The following HHAT variants were observed in gnomAD, a reference collection of about 807,000 sequenced individuals.
HHAT encodes the protein protein-cysteine N-palmitoyltransferase HHAT.
Under a neutral mutation model 70.8 loss-of-function variants are expected in HHAT, and 47 were observed. The ratio of observed to expected loss-of-function variants is 0.66; its 90% CI spans 0.53 to 0.85. HHAT has a LOEUF of 0.85. Ranked by LOEUF, HHAT falls within the 40% of genes least tolerant of loss-of-function variation. The pLI, the probability that HHAT is intolerant of heterozygous loss-of-function variation, is 0.00. For missense variants in HHAT, 609 were observed against 604.8 expected, an observed-to-expected ratio of 1.01 and a Z score of -0.07; for synonymous variants, 228 against 247.6, an observed-to-expected ratio of 0.92 and a Z score of 0.74.
At chr1:210,521,919 C>G (rs2095164617) in intron 9 of HHAT, among the ~76,000 whole-genome samples, 1 of 152,186 alleles carries the variant, frequency 6.6e-6, no homozygotes, top group South Asian at 2.1e-4. Context: ...TTCAGTCTTG[C>G]AGTTTAGAAC....
At chr1:210,517,632 T>C (rs1048559846) in intron 9 of HHAT, among the ~76,000 whole-genome samples, 1 of 152,192 alleles carries the variant, frequency 6.6e-6, no homozygotes, top group East Asian at 1.9e-4. Flanking sequence ...TATTGTATCA[T>C]AGGGTGACAA....
At chr1:210,614,528 A>G (rs1464748214) in intron 10 of HHAT, among the ~76,000 whole-genome samples, 1 of 152,144 alleles carries the variant, frequency 6.6e-6, no homozygotes, top group African/African-American at 2.4e-5. Context: ...CATCATTTAC[A>G]TTAGGTATAT....
At chr1:210,525,678 G>A (rs1217920997) in intron 9 of HHAT, among the ~76,000 whole-genome samples, 1 of 152,156 alleles carries the variant, frequency 6.6e-6, no homozygotes, top group Non-Finnish European at 1.5e-5. Flanking sequence ...GAATTGAGAT[G>A]CATAATTTAG....
intron 9 of HHAT, among the ~76,000 whole-genome samples, chr1:210,566,250 A>G (rs1020392987): frequency 4.6e-5 from 7 of 152,198 alleles, no homozygotes; most frequent in African/African-American, 1.7e-4. Context: ...AAGCTAGAAA[A>G]TATTAAACAT....
intron 10 of HHAT, among the ~76,000 whole-genome samples, chr1:210,622,459 C>T (rs61541464): frequency 2.2e-4 from 34 of 152,234 alleles, no homozygotes; most frequent in African/African-American, 7.7e-4. Flanking sequence ...TCCAGCACAG[C>T]GACCTCACTC....
chr1:210,563,781 C>G (rs2095644952), intron 9 of HHAT, among the ~76,000 whole-genome samples: 1 of 152,192 alleles, frequency 6.6e-6, no homozygotes, highest in Non-Finnish European at 1.5e-5. Context: ...CTGGCCTCCT[C>G]CAGGGTGTAC....
At chr1:210,365,621 A>G (rs949793848) in intron 3 of HHAT, among the ~76,000 whole-genome samples, 5 of 135,782 alleles carry the variant, frequency 3.7e-5, no homozygotes, top group Non-Finnish European at 7.9e-5. Flanking sequence ...CCTGGCTGAC[A>G]TTTTATTTTG....
At chr1:210,477,730 G>A (rs778684808) in intron 8 of HHAT, among the ~76,000 whole-genome samples, 4 of 152,160 alleles carry the variant, frequency 2.6e-5, no homozygotes, top group African/African-American at 9.7e-5. Flanking sequence ...TGGCGCCTGG[G>A]TTGTGATTAG....
intron 8 of HHAT, among the ~76,000 whole-genome samples, chr1:210,472,506 G>T (rs1218242640): frequency 6.6e-6 from 1 of 152,160 alleles, no homozygotes; most frequent in East Asian, 1.9e-4. Context: ...TGGGGCTTGT[G>T]GGACAGGATC....
intron 9 of HHAT, among the ~76,000 whole-genome samples, chr1:210,555,424 A>G (rs1382162788): frequency 1.3e-5 from 2 of 152,162 alleles, no homozygotes; most frequent in African/African-American, 2.4e-5. Flanking sequence ...TGTGCGTAAG[A>G]CTAGAATTGT....
chr1:210,663,608 A>G (rs1678250526), intron 11 of HHAT, among the ~76,000 whole-genome samples: 1 of 152,194 alleles, frequency 6.6e-6, no homozygotes, highest in South Asian at 2.1e-4. Context: ...TGCTCAGTAA[A>G]TGTCTGTCTC....
At chr1:210,547,746 G>T (rs1024396795) in intron 9 of HHAT, among the ~76,000 whole-genome samples, 1 of 152,056 alleles carries the variant, frequency 6.6e-6, no homozygotes, top group Non-Finnish European at 1.5e-5. Flanking sequence ...GTTTCCCTCC[G>T]CATAGCTTTA....
rs1178980444 is a variant in HHAT at position 210,673,811 on chromosome 1, TTATG to T, written c.1391-476_1391-473del. ...TTTATTTATTTATTTATTTATTTAT[TTATG>T]GTAGAGATGAGGTTTCACTATGTTT... On this transcript the variant is annotated intron_variant, in intron 11 of 11. Coordinates refer to ENST00000261458, the MANE Select transcript of HHAT (RefSeq NM_018194.6). 2.7e-3 allele frequency among the ~76,000 whole-genome samples: 374 copies of T among 138,270 alleles called. 1 individual carries two copies. Among genetic ancestry groups the T allele is most frequent in the Middle Eastern group, 7.5e-3 (2 of 266 alleles). The allele number at this position is 138,270 out of a possible 152,430, so 90.7% of individuals were successfully genotyped here. A position where few individuals can be genotyped will look rare whatever the true frequency, so the allele number is the denominator to read the frequency against.
At chr1:210,465,437 C>T (rs1023106058) in intron 8 of HHAT, among the ~76,000 whole-genome samples, 2 of 152,132 alleles carry the variant, frequency 1.3e-5, no homozygotes, top group African/African-American at 4.8e-5. Flanking sequence ...AATTGAAAAC[C>T]TAATGGAAGA....
intron 2 of HHAT, among the ~76,000 whole-genome samples, chr1:210,352,692 G>A (rs1207780873): frequency 6.6e-6 from 1 of 152,096 alleles, no homozygotes; most frequent in Non-Finnish European, 1.5e-5. Flanking sequence ...AACAGCCTTA[G>A]TCAAATGGAA....
chr1:210,428,051 T>C lies in HHAT; in HGVS notation c.856+9726T>C, dbSNP rs568291653. On this transcript the variant is annotated intron_variant, in intron 7 of 11. Coordinates refer to ENST00000261458, the MANE Select transcript of HHAT (RefSeq NM_018194.6). ...AATCCTTTACCATAATGTAATGCCC[T>C]TCATTGTCTTTTTTGAACTTCGTTG... Among the ~76,000 whole-genome samples the C allele has an allele frequency of 4.2e-4, 63 of 149,392 alleles. 3 individuals are homozygous for C. Among genetic ancestry groups the C allele is most frequent in the African/African-American group, 1.6e-3 (61 of 38,868 alleles).
chr1:210,363,578 T>G lies in HHAT; in HGVS notation c.159+659T>G, dbSNP rs141695008. Among the ~76,000 whole-genome samples, 634 of 152,264 alleles carry G rather than the reference T, an allele frequency of 4.2e-3. 1 individual carries two copies. The highest frequency in any genetic ancestry group is 7.2e-3 in the Non-Finnish European group (487 of 68,014). ...TTTCTCCCACCAGAACCCCTGTCCC[T>G]TTTAGGCTGGGGTTCTTCTCATTCT... On this transcript the variant is annotated intron_variant, in intron 3 of 11. Transcript: ENST00000261458.
At chr1:210,436,358 G>C (rs574798667) in intron 7 of HHAT, among the ~76,000 whole-genome samples, 1 of 151,426 alleles carries the variant, frequency 6.6e-6, no homozygotes, top group African/African-American at 2.4e-5. Flanking sequence ...GATTGATTTG[G>C]TTTCTGTAGC....
intron 11 of HHAT, among the ~76,000 whole-genome samples, chr1:210,672,179 G>A (rs1422566857): frequency 1.3e-5 from 2 of 152,208 alleles, no homozygotes; most frequent in Non-Finnish European, 2.9e-5. Context: ...AAGTGGCAGA[G>A]CCAGAATTTG....
Sources: allele counts gnomAD v4.1 joint callset (sites outside exome capture counted in the v4.1 genomes callset), GRCh38; gene constraint gnomAD v4.1.1; transcripts MANE v1.5; gene names NCBI Gene and HGNC (gene_info 2026-07-23, HGNC 2026-07-21).